The following LAMC2 variants were observed in gnomAD, a reference collection of about 807,000 sequenced individuals.
The protein encoded by LAMC2 is laminin subunit gamma-2.
A neutral mutation model predicts 140.2 loss-of-function variants in LAMC2; 97 were observed. The observed-to-expected ratio is 0.69, with a 90% confidence interval of 0.59 to 0.82. LAMC2 has a LOEUF of 0.82. Among genes scored for constraint, LAMC2 ranks in the 40% least tolerant of loss-of-function variants. The pLI, the probability that LAMC2 is intolerant of heterozygous loss-of-function variation, is 0.00. For synonymous variants in LAMC2, 513 were observed against 540.2 expected, an observed-to-expected ratio of 0.95 and a Z score of 0.70; for missense variants, 1,402 against 1,476.1, an observed-to-expected ratio of 0.95 and a Z score of 0.82.
At chr1:183,193,314 C>T (rs186898398) in intron 1 of LAMC2, among the ~76,000 whole-genome samples, 115 of 152,264 alleles carry the variant, frequency 7.6e-4, no homozygotes, top group African/African-American at 2.5e-3. Flanking sequence ...AGTTTAGGAT[C>T]GTTGATAGTA....
intron 1 of LAMC2, among the ~76,000 whole-genome samples, chr1:183,206,914 C>A (rs1011353811): frequency 6.6e-6 from 1 of 152,286 alleles, no homozygotes; most frequent in Admixed American, 6.5e-5. Flanking sequence ...CTTCACCTTT[C>A]CGAGCTGCAT....
At chr1:183,186,618 C>G (rs1051781472) in intron 1 of LAMC2, among the ~76,000 whole-genome samples, 187 bp downstream of exon 1, 1 of 152,146 alleles carries the variant, frequency 6.6e-6, no homozygotes, top group Admixed American at 6.5e-5. Flanking sequence ...ATATATAAAG[C>G]TATCTGCTTT....
rs534726686 is a variant in LAMC2, at chr1:183,229,611, G to A, written c.1714+992G>A. Among the ~76,000 whole-genome samples, 9 of 149,142 alleles carry A rather than the reference G, an allele frequency of 6.0e-5. No individual in the cohort carries two copies. The South Asian group carries it at 6.5e-4, about 11-fold the overall frequency. ...GAGATCATGTCACTGCACTCCAGCC[G>A]GGCAACAGCGCAAGACTCCATCTCA... On this transcript the variant is annotated intron_variant, in intron 11 of 22. Coordinates refer to ENST00000264144, the MANE Select transcript of LAMC2 (RefSeq NM_005562.3).
intron 20 of LAMC2, 74 bp from the exon 21 acceptor site, chr1:183,239,966 A>G (rs946806967): frequency 1.6e-5 from 25 of 1,539,876 alleles, no homozygotes; most frequent in East Asian, 4.5e-5. Context: ...TATTTTTTCT[A>G]TGGTTGTCTT....
At chr1:183,201,520 C>T (rs1440893723) in intron 1 of LAMC2, among the ~76,000 whole-genome samples, 2 of 152,234 alleles carry the variant, frequency 1.3e-5, no homozygotes, top group Non-Finnish European at 2.9e-5. Context: ...TAGATGCATA[C>T]ATCAGATCAT....
intron 1 of LAMC2, among the ~76,000 whole-genome samples, chr1:183,207,636 C>T (rs1323773200): frequency 6.6e-6 from 1 of 152,092 alleles, no homozygotes; most frequent in Non-Finnish European, 1.5e-5. Flanking sequence ...AACCCTGAGC[C>T]CATGTTCTCC....
At chr1:183,248,155 T>C (rs1234018721), downstream of LAMC2, 3 of 152,598 alleles carry the variant, frequency 2.0e-5, no homozygotes, top group African/African-American at 7.2e-5. Context: ...TTACAACTGT[T>C]GTCTCCTGTC....
chr1:183,186,531 T>G (rs1481401621), intron 1 of LAMC2, 100 bp downstream of exon 1: 8 of 1,374,894 alleles, frequency 5.8e-6, no homozygotes, highest in Admixed American at 2.0e-5. Flanking sequence ...GATTCCCACT[T>G]TGTCCAGAAA....
intron 1 of LAMC2, among the ~76,000 whole-genome samples, chr1:183,188,527 C>A (rs1658225469): frequency 6.6e-6 from 1 of 152,232 alleles, no homozygotes; most frequent in South Asian, 2.1e-4. Context: ...TTGGTTCATT[C>A]ACTTACTAGT....
At chr1:183,254,828 A>T in the LAMC2 span, among the ~76,000 whole-genome samples, 2 of 152,136 alleles carry the variant, frequency 1.3e-5, no homozygotes, top group Admixed American at 6.5e-5. Context: ...TCCCTATCTG[A>T]TATATGATTT....
chr1:183,201,200 C>T (rs1202322811), intron 1 of LAMC2, among the ~76,000 whole-genome samples: 1 of 152,084 alleles, frequency 6.6e-6, no homozygotes, highest in African/African-American at 2.4e-5. Context: ...ATGGATGGGA[C>T]CTAGAACCAG....
At chr1:183,199,500 C>T (rs1409921328) in intron 1 of LAMC2, among the ~76,000 whole-genome samples, 1 of 151,890 alleles carries the variant, frequency 6.6e-6, no homozygotes, top group Non-Finnish European at 1.5e-5. Flanking sequence ...CTCATTCCCT[C>T]CCTCAATTCC....
chr1:183,186,310 G>C lies in LAMC2; in HGVS notation c.-43G>C, dbSNP rs780061206. The C allele has an allele frequency of 3.8e-6, 6 of 1,558,580 alleles. No individual in the cohort carries two copies. The highest frequency in any genetic ancestry group is 5.2e-6 in the Non-Finnish European group (6 of 1,158,000). On this transcript the variant is annotated 5_prime_UTR_variant, in exon 1 of 23. Transcript: ENST00000264144. ...ACCACCAACCGAGGCGCCGGGCAGC[G>C]ACCCCTGCAGCGGAGACAGAGACTG...
chr1:183,208,183 A>C, intron 2 of LAMC2, 114 bp downstream of exon 2: 3 of 1,062,958 alleles, frequency 2.8e-6, no homozygotes, highest in Non-Finnish European at 4.3e-6. Flanking sequence ...AAAGAAAGAA[A>C]ACAGGGAAAG....
intron 1 of LAMC2, among the ~76,000 whole-genome samples, chr1:183,190,277 C>A (rs1056363073): frequency 2.6e-5 from 4 of 152,134 alleles, no homozygotes; most frequent in African/African-American, 9.7e-5. Flanking sequence ...CAACTAACTG[C>A]CCTGCCAGTA....
chr1:183,196,863 A>C (rs1403677225), intron 1 of LAMC2, among the ~76,000 whole-genome samples: 1 of 152,202 alleles, frequency 6.6e-6, no homozygotes, highest in Non-Finnish European at 1.5e-5. Flanking sequence ...AAGCAGAGGA[A>C]ATGAAGACAT....
intron 2 of LAMC2, among the ~76,000 whole-genome samples, chr1:183,210,281 C>A (rs188787770): frequency 4.1e-4 from 62 of 152,234 alleles, no homozygotes; most frequent in Admixed American, 4.1e-3. Flanking sequence ...GACACAACCA[C>A]CATCATCATT....
chr1:183,221,427 CT>C (rs1236883191), intron 5 of LAMC2, among the ~76,000 whole-genome samples: 1 of 152,092 alleles, frequency 6.6e-6, no homozygotes, highest in Non-Finnish European at 1.5e-5. Flanking sequence ...CTGAGTTTCC[CT>C]TTGAAAAGAC....
Position 183,186,322 on chromosome 1 carries a change from G to A in LAMC2, c.-31G>A. The A allele has an allele frequency of 1.3e-6, 2 of 1,574,188 alleles. No individual in the cohort carries two copies. Among genetic ancestry groups the A allele is most frequent in the Non-Finnish European group, 1.7e-6 (2 of 1,166,788 alleles). ...GGCGCCGGGCAGCGACCCCTGCAGC[G>A]GAGACAGAGACTGAGCGGCCCGGCC... On this transcript the variant is annotated 5_prime_UTR_variant, in exon 1 of 23. Coordinates refer to ENST00000264144, the MANE Select transcript of LAMC2 (RefSeq NM_005562.3).
Sources: allele counts gnomAD v4.1 joint callset (sites outside exome capture counted in the v4.1 genomes callset), GRCh38; gene constraint gnomAD v4.1.1; transcripts MANE v1.5; gene names NCBI Gene and HGNC (gene_info 2026-07-23, HGNC 2026-07-21).